The following ZNF655 variants were observed in gnomAD, a reference collection of about 807,000 sequenced individuals.
ZNF655 encodes the protein zinc finger protein 655, also known as Vav-interacting Kruppel-like protein 1.
In ZNF655, 3 loss-of-function variants were observed where a neutral mutation model predicts 6.6. That is an observed-to-expected ratio of 0.46 (90% CI 0.21 to 1.18). The LOEUF (loss-of-function observed/expected upper bound fraction) is 1.18, where lower values mean the gene tolerates loss of function less well. Among genes scored for constraint, ZNF655 ranks in the 50% most tolerant of loss-of-function variants. ZNF655 has a pLI of 0.24. For missense variants in ZNF655, 526 were observed against 572.3 expected (o/e 0.92, Z 0.83); for synonymous variants, 178 against 195.0 (o/e 0.91, Z 0.73).
At chr7:99,567,486 C>T (rs963374525) in intron 2 of ZNF655, among the ~76,000 whole-genome samples, 4 of 150,442 alleles carry the variant, frequency 2.7e-5, no homozygotes, top group African/African-American at 7.3e-5. Context: ...GAGCCGAGAT[C>T]GTGCCATTGC....
At chr7:99,565,643 T>C (rs1402123117) in intron 2 of ZNF655, among the ~76,000 whole-genome samples, 2 of 152,222 alleles carry the variant, frequency 1.3e-5, no homozygotes, top group Non-Finnish European at 2.9e-5. Flanking sequence ...GAATGAACAA[T>C]TTGCCTCTGG....
intron 2 of ZNF655, chr7:99,571,755 A>G (rs753140866): frequency 4.3e-6 from 7 of 1,609,770 alleles, no homozygotes; most frequent in African/African-American, 1.3e-5. Context: ...TTGATCTGGA[A>G]ACTAAGACTA....
chr7:99,563,154 C>T (rs1211532576), intron 2 of ZNF655: 1 of 453,510 alleles, frequency 2.2e-6, no homozygotes, highest in African/African-American at 2.0e-5. Context: ...GGGGTCAATG[C>T]TTAACTCATG....
intron 2 of ZNF655, chr7:99,564,154 G>A (rs576631898): frequency 6.3e-4 from 934 of 1,476,326 alleles, no homozygotes; most frequent in Non-Finnish European, 7.9e-4. Context: ...AATTTCAAAT[G>A]TTAGGGTCCA....
At chr7:99,563,506 C>T (rs935569315) in intron 2 of ZNF655, among the ~76,000 whole-genome samples, 27 of 151,786 alleles carry the variant, frequency 1.8e-4, no homozygotes, top group African/African-American at 4.8e-4. Context: ...TTAGTAGAGA[C>T]GGGGTTTCAC....
intron 2 of ZNF655, chr7:99,562,149 C>T (rs1803237861): frequency 5.3e-6 from 4 of 755,366 alleles, no homozygotes; most frequent in Admixed American, 6.6e-5. Context: ...CCCATCTCCC[C>T]AGTGCCATGA....
In ZNF655 at chr7:99,573,927, A is replaced by G. The variant is rs541041921; in HGVS notation, c.*343A>G. 216 of 243,440 alleles carry G rather than the reference A, an allele frequency of 8.9e-4. 1 individual carries two copies. Among genetic ancestry groups the G allele is most frequent in the African/African-American group, 4.5e-3 (199 of 44,100 alleles). 15.1% of individuals were successfully genotyped at this position (243,440 alleles called of 1,614,324 possible). ...GGAATAAAATTCCATTGCTGCAATG[A>G]ATGTGAAAAAGCCATCAGTCAAAGA... is the stretch of plus-strand genomic sequence containing the variant. On this transcript the variant is annotated 3_prime_UTR_variant, in exon 3 of 3. Coordinates refer to ENST00000252713, the MANE Select transcript of ZNF655 (RefSeq NM_138494.3).
intron 2 of ZNF655, among the ~76,000 whole-genome samples, chr7:99,569,145 A>G (rs1803854336): frequency 6.6e-6 from 1 of 152,174 alleles, no homozygotes; most frequent in African/African-American, 2.4e-5. Context: ...GGTTCACCGT[A>G]TGTTATTCTA....
rs1804361027 is a variant in ZNF655 at position 99,575,736 on chromosome 7, GCTC to G, written c.*2156_*2158del. ...GATTGCAGATAAATGTTTGAATTCT[GCTC>G]CTCTCTCATCAATCCAGGACAGTAT... On this transcript the variant is annotated 3_prime_UTR_variant, in exon 3 of 3. Coordinates refer to ENST00000252713, the MANE Select transcript of ZNF655 (RefSeq NM_138494.3). The G allele has an allele frequency of 6.6e-6, 1 of 152,096 alleles. No homozygotes were observed. 9.4% of individuals were successfully genotyped at this position (152,096 alleles called of 1,614,324 possible). A position where few individuals can be genotyped will look rare whatever the true frequency, so the allele number is the denominator to read the frequency against.
intron 2 of ZNF655, chr7:99,561,814 C>A: frequency 2.0e-6 from 2 of 991,904 alleles, no homozygotes; most frequent in Non-Finnish European, 2.8e-6. Context: ...ACCCCTTGGG[C>A]TGGAGAGGCC....
chr7:99,573,090 A>T lies in ZNF655; in HGVS notation c.982A>T (p.Met328Leu), dbSNP rs1804204195. The change falls in exon 3 of 3, where the codon ATG becomes TTG. Residue 328 changes from methionine to leucine, a missense_variant. Coordinates refer to ENST00000252713, the MANE Select transcript of ZNF655 (RefSeq NM_138494.3). ...TCAACATCAGAAAATTCACAAAGAG[A>T]TGCCCTGTAAGTGTACTGTATGTGG... is the stretch of plus-strand genomic sequence containing the variant. The part of the protein sequence containing the change: ...LTQHQKIHKE[M>L]PCKCTVCGSD... The T allele has an allele frequency of 8.7e-6, 14 of 1,614,132 alleles. No individual in the cohort carries two copies. The highest frequency in any genetic ancestry group is 1.2e-5 in the Non-Finnish European group (14 of 1,180,004).
chr7:99,559,808 T>G (rs1036975413), intron 1 of ZNF655, among the ~76,000 whole-genome samples: 2 of 148,930 alleles, frequency 1.3e-5, no homozygotes, highest in Non-Finnish European at 3.0e-5. Flanking sequence ...TTTTTTTTTT[T>G]GTAGGGACGG....
intron 2 of ZNF655, among the ~76,000 whole-genome samples, chr7:99,567,150 C>T (rs1056353376): frequency 2.0e-5 from 3 of 152,092 alleles, no homozygotes; most frequent in African/African-American, 4.8e-5. Flanking sequence ...GAACTCTTGG[C>T]CTCATGTGTT....
Position 99,573,400 on chromosome 7 carries a change from G to A in ZNF655, c.1292G>A (p.Arg431Lys). The A allele has an allele frequency of 6.2e-7, 1 of 1,614,124 alleles. No individual in the cohort carries two copies. The highest frequency in any genetic ancestry group is 8.5e-7 in the Non-Finnish European group (1 of 1,180,012). ...CTTATTCAGCATCACAAAATGCATA[G>A]GAAAGAGAAATCGTATGAATGTAAT... ...SCLIQHHKMH[R>K]KEKSYECNEY... The change falls in exon 3 of 3, where the codon AGG (arginine) becomes AAG (lysine). Residue 431 changes from arginine (R) to lysine (K), a missense_variant. Coordinates refer to ENST00000252713, the MANE Select transcript of ZNF655 (RefSeq NM_138494.3).
chr7:99,572,717 G>T lies in ZNF655; in HGVS notation c.609G>T (p.Glu203Asp). ...ATCTCTCCCACCTTAATAAATGGGA[G>T]AGCATCCCTAACACTGAGAAATCCT... The part of the protein sequence containing the change: ...LMDLSHLNKW[E>D]SIPNTEKSYK... Residue 203 changes from glutamate to aspartate, a missense_variant, in exon 3 of 3, where the codon GAG (glutamate) becomes GAT (aspartate). Transcript: ENST00000252713. 6.2e-7 allele frequency: 1 copy of T among 1,613,244 alleles called. No individual in the cohort carries two copies. Among genetic ancestry groups the T allele is most frequent in the South Asian group, 1.1e-5 (1 of 91,032 alleles).
chr7:99,564,468 C>G, intron 2 of ZNF655: 1 of 999,506 alleles, frequency 1.0e-6, no homozygotes, highest in Non-Finnish European at 1.2e-6. Context: ...GTCCTACCTT[C>G]CTACCCTTTA....
In ZNF655 at chr7:99,561,856, C is replaced by G. The variant is rs576039995; in HGVS notation, c.136+1161C>G. The stretch of plus-strand genomic sequence containing the variant: ...GAAAGGGAGCCCTGGGAAAGGGCTG[C>G]TCTCACTCTTCACTCCTTTCTCCTC... On this transcript the variant is annotated intron_variant, in intron 2 of 2. Transcript: ENST00000252713. 4 of 1,412,108 alleles carry G rather than the reference C, an allele frequency of 2.8e-6. No individual in the cohort carries two copies. The African/African-American group carries it at 4.4e-5, about 16-fold the overall frequency. 87.5% of individuals were successfully genotyped at this position (1,412,108 alleles called of 1,614,324 possible). A position where few individuals can be genotyped will look rare whatever the true frequency, so the allele number is the denominator to read the frequency against.
intron 1 of ZNF655, among the ~76,000 whole-genome samples, chr7:99,559,773 C>T (rs1274066626): frequency 1.3e-5 from 2 of 150,834 alleles, no homozygotes; most frequent in African/African-American, 2.4e-5. Flanking sequence ...AACTACAGGC[C>T]TGGGCCACCT....
chr7:99,562,020 A>G, intron 2 of ZNF655: 1 of 1,467,764 alleles, frequency 6.8e-7, no homozygotes. Flanking sequence ...ATTGCTACTG[A>G]TGGAGTGTGG....
Sources: allele counts gnomAD v4.1 joint callset (sites outside exome capture counted in the v4.1 genomes callset), GRCh38; gene constraint gnomAD v4.1.1; transcripts MANE v1.5; gene names NCBI Gene and HGNC (gene_info 2026-07-23, HGNC 2026-07-21).